Variants in NRDC observed in about 807,000 individuals in gnomAD.
NRDC encodes the protein nardilysin.
In NRDC, 54 loss-of-function variants were observed where a neutral mutation model predicts 147.1. The observed-to-expected ratio is 0.37, with a 90% CI of 0.29 to 0.46. The LOEUF is 0.46. Among genes scored for constraint, NRDC ranks in the 20% least tolerant of loss-of-function variants. NRDC has a pLI of 1.00. For synonymous variants in NRDC, 440 were observed against 482.1 expected, an observed-to-expected ratio of 0.91 and a Z score of 1.14; for missense variants, 1,082 against 1,370.6, an observed-to-expected ratio of 0.79 and a Z score of 3.33.
At chr1:51,806,352 G>C (rs72663136) in intron 18 of NRDC, among the ~76,000 whole-genome samples, 6,289 of 152,190 alleles carry the variant, frequency 0.041, 156 homozygotes, top group Middle Eastern at 0.061. Context: ...AATCACACGA[G>C]TTCCTTAAGA....
chr1:51,821,572 A>C lies in NRDC; in HGVS notation c.1160-17T>G. 6.3e-7 allele frequency: 1 copy of C among 1,578,284 alleles called. No homozygotes were observed. The highest frequency in any genetic ancestry group is 8.7e-7 in the Non-Finnish European group (1 of 1,148,040). The stretch of plus-strand genomic sequence containing the variant: ...CCAGTGTTTCTTGAGAGGGGAGGGC[A>C]GGGAAGAGACAGGAAAATGCAATGA... On this transcript the variant is annotated splice_polypyrimidine_tract_variant and intron_variant, in intron 7 of 30. Coordinates refer to ENST00000352171, the MANE Select transcript of NRDC (RefSeq NM_001101662.2).
At chr1:51,823,226 T>C (rs557412340) in intron 7 of NRDC, among the ~76,000 whole-genome samples, 4 of 152,352 alleles carry the variant, frequency 2.6e-5, no homozygotes, top group African/African-American at 9.6e-5. Flanking sequence ...ATTGTCACCA[T>C]GTCAATCTCA....
intron 7 of NRDC, among the ~76,000 whole-genome samples, chr1:51,822,418 G>C (rs1173762296): frequency 1.3e-5 from 2 of 152,180 alleles, no homozygotes; most frequent in African/African-American, 4.8e-5. Flanking sequence ...GCTGGGGCCT[G>C]TAATCCCAGC....
Position 51,814,057 on chromosome 1 carries a change from T to C in NRDC, c.1652A>G (p.Asn551Ser). The change falls in exon 14 of 31, where the codon AAT (asparagine) becomes AGT (serine). Residue 551 changes from asparagine to serine, a missense_variant. By Grantham distance (46) the Asn-to-Ser change is conservative. Transcript: ENST00000352171. ...IFEEIRKIED[N>S]EFHYQEQTDP... is the part of the protein sequence containing the mutation. ...TACCTGTTCTTGGTAATGAAATTCATTATCCTCAATTTTCCGAATCTCTTC... is the reference window on the plus strand; with the variant it reads ...TACCTGTTCTTGGTAATGAAATTCACTATCCTCAATTTTCCGAATCTCTTC... The C allele has an allele frequency of 6.2e-7, 1 of 1,604,466 alleles. No individual in the cohort carries two copies. The highest frequency in any genetic ancestry group is 8.5e-7 in the Non-Finnish European group (1 of 1,171,530).
intron 4 of NRDC, among the ~76,000 whole-genome samples, chr1:51,829,865 T>C (rs978128009): frequency 2.6e-5 from 4 of 152,150 alleles, no homozygotes; most frequent in Non-Finnish European, 5.9e-5. Context: ...TTTTTTATCA[T>C]AGTTCAGTTC....
chr1:51,843,862 T>TG (rs1477683972), intron 1 of NRDC, among the ~76,000 whole-genome samples: 4 of 150,598 alleles, frequency 2.7e-5, no homozygotes, highest in African/African-American at 9.8e-5. Flanking sequence ...CAACTCAGGT[T>TG]GGGGGAAAAA....
intron 1 of NRDC, among the ~76,000 whole-genome samples, chr1:51,876,679 T>C (rs1182669259): frequency 6.8e-6 from 1 of 147,506 alleles, no homozygotes; most frequent in Non-Finnish European, 1.5e-5. Context: ...CTCTTGACTC[T>C]GGCAGCCTGG....
intron 1 of NRDC, among the ~76,000 whole-genome samples, chr1:51,854,669 A>G (rs1682146495): frequency 6.6e-6 from 1 of 152,234 alleles, no homozygotes; most frequent in Non-Finnish European, 1.5e-5. Flanking sequence ...GACACCTGTA[A>G]TCCCAACTCT....
In NRDC at chr1:51,794,498, T is replaced by C; in HGVS notation, c.2749A>G (p.Asn917Asp). ...TGGTAGTACACAGTGACTTCAGAGTTGGCATCACCCTTGTTCAGAGCTTTC... is the reference window on the plus strand; with the variant it reads ...TGGTAGTACACAGTGACTTCAGAGTCGGCATCACCCTTGTTCAGAGCTTTC... The part of the protein sequence containing the change: ...KVKALNKGDA[N>D]SEVTVYYQSG... Residue 917 changes from asparagine (N) to aspartate (D), a missense_variant, in exon 24 of 31, where the codon AAC becomes GAC. Asn to Asp is a conservative substitution (Grantham distance 23). Around this residue, in one of 3 missense-constraint regions of NRDC, gnomAD observed 635 missense variants for 923.8 expected, o/e 0.69. Coordinates refer to ENST00000352171, the MANE Select transcript of NRDC (RefSeq NM_001101662.2). 6.2e-7 allele frequency: 1 copy of C among 1,614,192 alleles called. No homozygotes were observed. Among genetic ancestry groups the C allele is most frequent in the Non-Finnish European group, 8.5e-7 (1 of 1,180,024 alleles).
intron 2 of NRDC, among the ~76,000 whole-genome samples, chr1:51,839,332 T>G (rs1681149885): frequency 6.6e-6 from 1 of 152,090 alleles, no homozygotes; most frequent in Non-Finnish European, 1.5e-5. Context: ...CAGCTAATTT[T>G]TTTTAATGTT....
Position 51,814,596 on chromosome 1 carries a change from A to G in NRDC, c.1574T>C (p.Val525Ala), listed in dbSNP as rs377697510. ...YEHFYEVAYT[V>A]FQYLKMLQKL... Reference sequence around the variant, plus strand: ...CTGCAGCATTTTTAAATACTGAAAGACAGTGTAAGCAACCTGAAAACAAAA... The same window carrying G: ...CTGCAGCATTTTTAAATACTGAAAGGCAGTGTAAGCAACCTGAAAACAAAA... Residue 525 changes from valine to alanine, a missense_variant, in exon 13 of 31, where the codon GTC becomes GCC. Coordinates refer to ENST00000352171, the MANE Select transcript of NRDC (RefSeq NM_001101662.2). The G allele has an allele frequency of 1.2e-6, 2 of 1,613,500 alleles. No individual in the cohort carries two copies. Among genetic ancestry groups the G allele is most frequent in the Non-Finnish European group, 1.7e-6 (2 of 1,179,572 alleles).
intron 17 of NRDC, among the ~76,000 whole-genome samples, chr1:51,808,674 C>A (rs1679575251): frequency 6.6e-6 from 1 of 152,140 alleles, no homozygotes; most frequent in African/African-American, 2.4e-5. Flanking sequence ...CTTGGAAATA[C>A]AGTGTTCTGA....
At chr1:51,844,418 G>C (rs750737581) in intron 1 of NRDC, among the ~76,000 whole-genome samples, 1 of 151,992 alleles carries the variant, frequency 6.6e-6, no homozygotes, top group Non-Finnish European at 1.5e-5. Flanking sequence ...CACCAGATAT[G>C]TGTGCACACA....
At position 51,821,575 on chromosome 1, in the gene NRDC, G is replaced by A; in HGVS notation, c.1160-20C>T. Reference sequence around the variant, plus strand: ...GTGTTTCTTGAGAGGGGAGGGCAGGGAAGAGACAGGAAAATGCAATGACAT... The same window carrying A: ...GTGTTTCTTGAGAGGGGAGGGCAGGAAAGAGACAGGAAAATGCAATGACAT... On this transcript the variant is annotated intron_variant, in intron 7 of 30. Transcript: ENST00000352171. The A allele has an allele frequency of 6.5e-7, 1 of 1,531,826 alleles. No homozygotes were observed. The highest frequency in any genetic ancestry group is 9.0e-7 in the Non-Finnish European group (1 of 1,106,600). 94.9% of individuals were successfully genotyped at this position (1,531,826 alleles called of 1,614,324 possible). A position where few individuals can be genotyped will look rare whatever the true frequency, so the allele number is the denominator to read the frequency against.
chr1:51,832,247 G>A (rs575043657), intron 4 of NRDC, among the ~76,000 whole-genome samples: 37 of 150,666 alleles, frequency 2.5e-4, no homozygotes, highest in African/African-American at 8.5e-4. Flanking sequence ...GGGTTTCACC[G>A]TGTTGGCCAG....
chr1:51,807,484 A>T (rs1223210963), intron 17 of NRDC, among the ~76,000 whole-genome samples: 2 of 152,174 alleles, frequency 1.3e-5, no homozygotes, highest in Non-Finnish European at 2.9e-5. Context: ...AAGCAGGAGG[A>T]TCACTTGAAG....
At chr1:51,828,142 C>T (rs1413937427) in intron 4 of NRDC, among the ~76,000 whole-genome samples, 1 of 152,172 alleles carries the variant, frequency 6.6e-6, no homozygotes, top group Non-Finnish European at 1.5e-5. Context: ...GGTGAAGAAA[C>T]AGACCATAGT....
intron 15 of NRDC, 53 bp from the exon 16 acceptor site, chr1:51,810,457 T>C (rs1444418880): frequency 1.3e-6 from 2 of 1,528,820 alleles, no homozygotes; most frequent in African/African-American, 1.4e-5. Context: ...ACCTAATACA[T>C]CTCTGTTAAA....
chr1:51,798,338 G>A lies in NRDC; in HGVS notation c.2515C>T (p.Leu839Phe). The change falls in exon 22 of 31, where the codon CTT (leucine) becomes TTT (phenylalanine). Residue 839 changes from leucine to phenylalanine, a missense_variant. Coordinates refer to ENST00000352171, the MANE Select transcript of NRDC (RefSeq NM_001101662.2). ...IDKYQALMDG[L>F]SLESLLSFVK... Reference sequence around the variant, plus strand: ...AAGCTCAGCAGAGACTCAAGGGAAAGGCCGTCCATCAAAGCCTGGTACTTG... The same window carrying A: ...AAGCTCAGCAGAGACTCAAGGGAAAAGCCGTCCATCAAAGCCTGGTACTTG... The A allele has an allele frequency of 6.2e-7, 1 of 1,614,098 alleles. No individual in the cohort carries two copies. Among genetic ancestry groups the A allele is most frequent in the Non-Finnish European group, 8.5e-7 (1 of 1,179,956 alleles).
Sources: gnomAD v4.1 joint callset for allele counts (sites outside exome capture counted in the v4.1 genomes callset) on GRCh38, gnomAD v4.1.1 for gene constraint, gnomAD v4.1.1 regional missense constraint, MANE v1.5 for transcripts, NCBI Gene and HGNC (gene_info 2026-07-23, HGNC 2026-07-21) for gene names.